Variants in LRRFIP1 observed in about 807,000 individuals in gnomAD.
The protein encoded by LRRFIP1 is LRR binding FLII interacting protein 1.
LRRFIP1 carries 62 observed loss-of-function variants against 104.4 expected under a neutral mutation model. That is an observed-to-expected ratio of 0.59 (90% CI 0.48 to 0.73). The LOEUF is 0.73. Among genes scored for constraint, LRRFIP1 ranks in the 30% least tolerant of loss-of-function variants. The pLI, the probability that LRRFIP1 is intolerant of heterozygous loss-of-function variation, is 0.00. For synonymous variants in LRRFIP1, 300 were observed against 299.0 expected (o/e 1.00, Z -0.03); for missense variants, 796 against 824.5 (o/e 0.97, Z 0.42).
At chr2:237,725,521 A>C (rs1425391019) in intron 7 of LRRFIP1, among the ~76,000 whole-genome samples, 1 of 152,136 alleles carries the variant, frequency 6.6e-6, no homozygotes, top group African/African-American at 2.4e-5. Flanking sequence ...ACACAAAAAA[A>C]CACCATCCAA....
intron 1 of LRRFIP1, among the ~76,000 whole-genome samples, chr2:237,686,909 C>T (rs559323400): frequency 6.6e-5 from 10 of 152,226 alleles, no homozygotes; most frequent in African/African-American, 2.4e-4. Context: ...GGAGATCCGG[C>T]TCCTGGCATT....
intron 23 of LRRFIP1, chr2:237,779,216 G>GAA (rs922932252): frequency 1.0e-4 from 42 of 404,038 alleles, no homozygotes; most frequent in Non-Finnish European, 1.2e-4. Context: ...TCCATCTCAA[G>GAA]AAAAAAAAAA....
At chr2:237,732,883 T>C (rs1015341876) in intron 8 of LRRFIP1, among the ~76,000 whole-genome samples, 1 of 152,190 alleles carries the variant, frequency 6.6e-6, no homozygotes, top group African/African-American at 2.4e-5. Context: ...CTCCCCGCTG[T>C]TTCCTGTTTT....
At chr2:237,696,291 G>T (rs2093180492) in intron 1 of LRRFIP1, among the ~76,000 whole-genome samples, 1 of 152,182 alleles carries the variant, frequency 6.6e-6, no homozygotes, top group African/African-American at 2.4e-5. Context: ...GCACGTGGCT[G>T]TGTGATTTTC....
At chr2:237,729,373 A>G (rs990978447) in intron 8 of LRRFIP1, among the ~76,000 whole-genome samples, 1 of 152,258 alleles carries the variant, frequency 6.6e-6, no homozygotes, top group Non-Finnish European at 1.5e-5. Flanking sequence ...GGGCTGAGCT[A>G]TAGCCCGCAG....
At chr2:237,752,564 C>T (rs945213098) in intron 14 of LRRFIP1, among the ~76,000 whole-genome samples, 6 of 152,166 alleles carry the variant, frequency 3.9e-5, no homozygotes, top group South Asian at 4.2e-4. Context: ...CAGCTCTTGC[C>T]GCTGCCTTTA....
At chr2:237,747,939 G>A (rs749814588) in intron 11 of LRRFIP1, among the ~76,000 whole-genome samples, 10 of 151,994 alleles carry the variant, frequency 6.6e-5, no homozygotes, top group African/African-American at 1.9e-4. Context: ...ACAAAAAAAG[G>A]AGAAAAAAAG....
chr2:237,718,161 G>A lies in LRRFIP1; in HGVS notation c.249+352G>A, dbSNP rs976992252. On this transcript the variant is annotated intron_variant, in intron 4 of 23. Coordinates refer to ENST00000308482, the MANE Select transcript of LRRFIP1 (RefSeq NM_001137550.2). Reference sequence around the variant, plus strand: ...GACTCGGGCTGGGCATGCGCCCCTGGCTTGAGAACTTTCCAGAGAACATTC... The same window carrying A: ...GACTCGGGCTGGGCATGCGCCCCTGACTTGAGAACTTTCCAGAGAACATTC... Among the ~76,000 whole-genome samples the A allele has an allele frequency of 3.3e-5, 5 of 152,360 alleles. No homozygotes were observed. In the East Asian group the frequency reaches 9.6e-4, roughly 29 times the overall value.
intron 1 of LRRFIP1, among the ~76,000 whole-genome samples, chr2:237,680,651 A>G (rs2091706310): frequency 6.6e-6 from 1 of 152,206 alleles, no homozygotes; most frequent in Non-Finnish European, 1.5e-5. Context: ...TTCAAATAAA[A>G]TCTCAGTTTA....
chr2:237,745,688 C>G (rs1249140769), intron 11 of LRRFIP1, among the ~76,000 whole-genome samples: 1 of 152,142 alleles, frequency 6.6e-6, no homozygotes, highest in African/African-American at 2.4e-5. Flanking sequence ...TGGGTGGGCC[C>G]TTCTTTTACG....
At position 237,727,922 on chromosome 2, in the gene LRRFIP1, G is replaced by A. The variant is rs750271038; in HGVS notation, c.431G>A (p.Arg144Lys). ...GELYGSQSLN[R>K]RSGRPSCLYS... ...TTGTATGGATCACAGTCCCTGAATA[G>A]AAGATCTGGCAGGGTTAGTATAGTA... Residue 144 changes from arginine to lysine, a missense_variant, in exon 8 of 24, where the codon AGA becomes AAA. Coordinates refer to ENST00000308482, the MANE Select transcript of LRRFIP1 (RefSeq NM_001137550.2). 14 of 1,611,380 alleles carry A rather than the reference G, an allele frequency of 8.7e-6. No homozygotes were observed. The highest frequency in any genetic ancestry group is 1.1e-5 in the South Asian group (1 of 90,712).
At chr2:237,683,674 C>T (rs1350461370) in intron 1 of LRRFIP1, among the ~76,000 whole-genome samples, 2 of 152,136 alleles carry the variant, frequency 1.3e-5, no homozygotes, top group Non-Finnish European at 2.9e-5. Context: ...AGTGTTATGC[C>T]GAAGTGTGTT....
Position 237,673,932 on chromosome 2 carries a change from A to C in LRRFIP1, c.97-34612A>C, listed in dbSNP as rs564084018. ...GGCTCTGTGCAGAGCGCGTCTACAA[A>C]CACTGTCTATTGTCTCGTTTCATCC... On this transcript the variant is annotated intron_variant, in intron 1 of 23. Coordinates refer to ENST00000308482, the MANE Select transcript of LRRFIP1 (RefSeq NM_001137550.2). Among the ~76,000 whole-genome samples the C allele has an allele frequency of 2.0e-3, 296 of 148,180 alleles. 1 individual carries two copies. The highest frequency in any genetic ancestry group is 7.2e-3 in the African/African-American group (289 of 40,004).
chr2:237,680,735 G>A (rs1415982623), intron 1 of LRRFIP1, among the ~76,000 whole-genome samples: 3 of 152,300 alleles, frequency 2.0e-5, no homozygotes, highest in South Asian at 4.1e-4. Flanking sequence ...TAATCCCAGC[G>A]CTTTGGGAGA....
chr2:237,710,462 T>A (rs1322948330), intron 2 of LRRFIP1, among the ~76,000 whole-genome samples: 1 of 151,980 alleles, frequency 6.6e-6, no homozygotes, highest in Non-Finnish European at 1.5e-5. Context: ...TTTTTTGTCA[T>A]TTTTAGTAGA....
Position 237,727,375 on chromosome 2 carries a change from A to G in LRRFIP1, c.385-501A>G, listed in dbSNP as rs914038698. Among the ~76,000 whole-genome samples, 5 of 150,608 alleles carry G rather than the reference A, an allele frequency of 3.3e-5. No homozygotes were observed. In the South Asian group the frequency reaches 1.1e-3, roughly 32 times the overall value. On this transcript the variant is annotated intron_variant, in intron 7 of 23. Coordinates refer to ENST00000308482, the MANE Select transcript of LRRFIP1 (RefSeq NM_001137550.2). Reference sequence around the variant, plus strand: ...TGTCTCAAAAAAAAAAAAAAAAAAGAAATGATCTCTGAATCTTCTGAATTA... The same window carrying G: ...TGTCTCAAAAAAAAAAAAAAAAAAGGAATGATCTCTGAATCTTCTGAATTA...
At chr2:237,652,901 G>A (rs773489774) in intron 1 of LRRFIP1, among the ~76,000 whole-genome samples, 1 of 152,212 alleles carries the variant, frequency 6.6e-6, no homozygotes, top group Non-Finnish European at 1.5e-5. Flanking sequence ...TGATCTTTGT[G>A]TTGGGGGAGG....
At position 237,766,304 on chromosome 2, in the gene LRRFIP1, G is replaced by A. The variant is rs1490709412; in HGVS notation, c.1460-3639G>A. 6.6e-6 allele frequency among the ~76,000 whole-genome samples: 1 copy of A among 151,876 alleles called. No individual in the cohort carries two copies. The highest frequency in any genetic ancestry group is 1.5e-5 in the Non-Finnish European group (1 of 67,846). On this transcript the variant is annotated intron_variant, in intron 19 of 23. Transcript: ENST00000308482. The surrounding 1 kb of genome is among the most constrained non-coding windows in gnomAD (Gnocchi z 4.8). ...CAAGTGTCCTGAAGTAGAGGATGGTGGGGATGATAAATGCTTGCTAGGAAA... is the reference window on the plus strand; with the variant it reads ...CAAGTGTCCTGAAGTAGAGGATGGTAGGGATGATAAATGCTTGCTAGGAAA...
chr2:237,699,824 C>T (rs1029374261), intron 1 of LRRFIP1, among the ~76,000 whole-genome samples: 1 of 152,126 alleles, frequency 6.6e-6, no homozygotes, highest in African/African-American at 2.4e-5. Flanking sequence ...CCAAAATGCC[C>T]TCTAAGTCAA....
Sources: gnomAD v4.1 joint callset for allele counts (sites outside exome capture counted in the v4.1 genomes callset) on GRCh38, gnomAD v4.1.1 for gene constraint, Gnocchi (gnomAD v3.1) non-coding constraint, MANE v1.5 for transcripts, NCBI Gene and HGNC (gene_info 2026-07-23, HGNC 2026-07-21) for gene names.